CPAP: variants seen among roughly 807,000 people sequenced by gnomAD.
CPAP encodes the protein centrosome assembly and centriole elongation protein.
At chr13:24,908,246 G>A in the CPAP span, 1 of 686,934 alleles carries the variant, frequency 1.5e-6, no homozygotes, top group Non-Finnish European at 2.5e-6. Flanking sequence ...GTATATCACA[G>A]ATTTTACAAC....
chr13:24,902,416 T>A, the CPAP span, among the ~76,000 whole-genome samples: 10 of 152,196 alleles, frequency 6.6e-5, no homozygotes, highest in Non-Finnish European at 1.3e-4. Flanking sequence ...ACTACTATGA[T>A]AAGCATACAT....
At chr13:24,886,268 C>A in the CPAP span, 2 of 1,273,344 alleles carry the variant, frequency 1.6e-6, no homozygotes, top group Non-Finnish European at 2.1e-6. Context: ...CAGAATCTGA[C>A]CTCCATGTTA....
chr13:24,907,945 AG>A, the CPAP span: 1 of 1,113,590 alleles, frequency 9.0e-7, no homozygotes, highest in East Asian at 2.4e-5. Context: ...TTTCAAACAA[AG>A]AAAGTGTTCA....
chr13:24,922,309 T>G, the CPAP span, among the ~76,000 whole-genome samples: 1 of 152,164 alleles, frequency 6.6e-6, no homozygotes, highest in African/African-American at 2.4e-5. Context: ...GTCTGGGAAG[T>G]GATTTAGCAG....
At chr13:24,887,457 A>T in the CPAP span, among the ~76,000 whole-genome samples, 1 of 152,176 alleles carries the variant, frequency 6.6e-6, no homozygotes, top group Non-Finnish European at 1.5e-5. Context: ...CAGCAGTGGC[A>T]TTAGATTCTC....
the CPAP span, chr13:24,882,908 C>CA: frequency 2.3e-6 from 1 of 444,440 alleles, no homozygotes; most frequent in African/African-American, 2.0e-5. Context: ...CCAATAAACA[C>CA]ACCCACTTAC....
chr13:24,932,674 T>C, the CPAP span, among the ~76,000 whole-genome samples: 3 of 152,256 alleles, frequency 2.0e-5, no homozygotes, highest in African/African-American at 4.8e-5. Flanking sequence ...ATAATGTTAA[T>C]TTTTAATTTA....
At chr13:24,905,999 T>C in the CPAP span, 1 of 1,614,190 alleles carries the variant, frequency 6.2e-7, no homozygotes, top group Non-Finnish European at 8.5e-7. Flanking sequence ...AGAAGTGCTC[T>C]TTTGGACGGC....
At chr13:24,885,992 G>A in the CPAP span, 1 of 402,996 alleles carries the variant, frequency 2.5e-6, no homozygotes, top group East Asian at 5.7e-5. Context: ...TCTAAGACCT[G>A]TGGAATTTGG....
chr13:24,908,115 A>C, the CPAP span: 1 of 1,610,772 alleles, frequency 6.2e-7, no homozygotes, highest in Non-Finnish European at 8.5e-7. Context: ...TCCCAACATA[A>C]GATACTTTCT....
the CPAP span, chr13:24,906,024 A>T: frequency 6.2e-7 from 1 of 1,614,138 alleles, no homozygotes; most frequent in Non-Finnish European, 8.5e-7. Context: ...CTGATTTTAC[A>T]AGGCTGTTCC....
At chr13:24,885,569 A>G in the CPAP span, 1 of 1,443,126 alleles carries the variant, frequency 6.9e-7, no homozygotes, top group East Asian at 2.3e-5. Context: ...AGCCTAAGTA[A>G]TGTATGTTTG....
At chr13:24,908,562 C>A in the CPAP span, among the ~76,000 whole-genome samples, 1 of 150,990 alleles carries the variant, frequency 6.6e-6, no homozygotes, top group Non-Finnish European at 1.5e-5. Flanking sequence ...CACTGGACTC[C>A]AACCTAAGTG....
chr13:24,912,827 A>C, the CPAP span: 2 of 1,614,232 alleles, frequency 1.2e-6, no homozygotes, highest in Non-Finnish European at 1.7e-6. Flanking sequence ...TCATTTATAA[A>C]GCTGAAGCTA....
At chr13:24,903,829 T>C in the CPAP span, 6 of 1,301,608 alleles carry the variant, frequency 4.6e-6, no homozygotes, top group African/African-American at 1.5e-5. Flanking sequence ...TTATATTTGT[T>C]TGACTGATTT....
chr13:24,890,807 C>T, the CPAP span, among the ~76,000 whole-genome samples: 4 of 152,090 alleles, frequency 2.6e-5, no homozygotes, highest in Non-Finnish European at 4.4e-5. Flanking sequence ...CAAAGGCCAT[C>T]GCCTGGCCAC....
the CPAP span, among the ~76,000 whole-genome samples, chr13:24,925,558 C>T: frequency 1.3e-5 from 2 of 152,150 alleles, no homozygotes; most frequent in East Asian, 3.8e-4. Context: ...TATGATCACA[C>T]CACGAGACTA....
At chr13:24,900,610 C>A in the CPAP span, among the ~76,000 whole-genome samples, 1 of 152,138 alleles carries the variant, frequency 6.6e-6, no homozygotes, top group Non-Finnish European at 1.5e-5. Flanking sequence ...CCATTGCACA[C>A]CAGCCTGGGC....
At chr13:24,933,274 C>T in the CPAP span, 1 of 687,462 alleles carries the variant, frequency 1.5e-6, no homozygotes, top group Non-Finnish European at 2.4e-6. Context: ...GAGACTGTGA[C>T]TTGGCCGGTT....
Sources: gnomAD v4.1 joint callset for allele counts (sites outside exome capture counted in the v4.1 genomes callset) on GRCh38, gnomAD v4.1.1 for gene constraint, MANE v1.5 for transcripts, NCBI Gene and HGNC (gene_info 2026-07-23, HGNC 2026-07-21) for gene names.